NOTCH3: variants seen among roughly 807,000 people sequenced by gnomAD.
NOTCH3 encodes notch receptor 3.
Under a neutral mutation model 213.3 loss-of-function variants are expected in NOTCH3, and 86 were observed. That is an observed-to-expected ratio of 0.40 (90% confidence interval 0.34 to 0.48). The LOEUF (loss-of-function observed/expected upper bound fraction) is 0.48. NOTCH3 is among the 20% of genes least tolerant of loss of function. The pLI is 0.57. For missense variants in NOTCH3, 2,783 were observed against 3,272.6 expected (o/e 0.85, Z 3.65); for synonymous variants, 1,354 against 1,355.9 (o/e 1.00, Z 0.03).
chr19:15,190,289 T>C (rs2046917402), intron 6 of NOTCH3, among the ~76,000 whole-genome samples: 1 of 152,106 alleles, frequency 6.6e-6, no homozygotes. Context: ...TAAAATAAAA[T>C]AAATTGCAAA....
rs1196527226 is a variant in NOTCH3 at position 15,170,663 on chromosome 19, G to A, written c.4891+8C>T. 1 of 1,560,964 alleles carries A rather than the reference G, an allele frequency of 6.4e-7. No individual in the cohort carries two copies. Among genetic ancestry groups the A allele is most frequent in the Non-Finnish European group, 8.7e-7 (1 of 1,154,644 alleles). ...CCCCGCCACCCCCTCCCCAAGGCAG[G>A]GCCGCACCCCGCACGTCCCGCAGTG... On this transcript the variant is annotated splice_region_variant and intron_variant, in intron 26 of 32. Coordinates refer to ENST00000263388, the MANE Select transcript of NOTCH3 (RefSeq NM_000435.3).
At chr19:15,184,159 TCA>T in intron 16 of NOTCH3, 134 bp downstream of exon 16, 1 of 826,678 alleles carries the variant, frequency 1.2e-6, no homozygotes, top group East Asian at 3.4e-5. Flanking sequence ...TCCTCGGGCC[TCA>T]GTTTCCATAT....
intron 1 of NOTCH3, among the ~76,000 whole-genome samples, chr19:15,200,333 T>A (rs966184085): frequency 1.4e-5 from 2 of 142,796 alleles, no homozygotes; most frequent in African/African-American, 5.3e-5. Context: ...TCGCGCCCCC[T>A]CCCCACCCCC....
rs185511862 is a variant in NOTCH3, at chr19:15,188,187, C to T, written c.1492+48G>A. On this transcript the variant is annotated intron_variant, in intron 9 of 32. Transcript: ENST00000263388. ...ACAGGTTCCCACCCTGGAGTTTTTG[C>T]CCCTTCCCAGACATGTCTTTTCGGG... is the stretch of plus-strand genomic sequence containing the variant. The T allele has an allele frequency of 1.2e-5, 17 of 1,421,230 alleles. No homozygotes were observed. In the East Asian group the frequency reaches 3.9e-4, roughly 33 times the overall value. The allele number at this position is 1,421,230 out of a possible 1,614,324, so 88.0% of individuals were successfully genotyped here.
intron 2 of NOTCH3, among the ~76,000 whole-genome samples, chr19:15,196,344 A>G (rs1284527463): frequency 2.7e-5 from 4 of 148,150 alleles, no homozygotes; most frequent in African/African-American, 1.0e-4. Context: ...ACTTTTCCCC[A>G]TCCCGCCCCA....
rs754523402 is a variant in NOTCH3 at position 15,179,138 on chromosome 19, C to G, written c.3605G>C (p.Cys1202Ser). 1 of 1,614,194 alleles carries G rather than the reference C, an allele frequency of 6.2e-7. No homozygotes were observed. The highest frequency in any genetic ancestry group is 1.7e-5 in the Admixed American group (1 of 60,034). The change falls in exon 22 of 33, where the codon TGC becomes TCC. Residue 1202 changes from cysteine (C) to serine (S), a missense_variant. This residue lies in a region of NOTCH3 where 861 missense variants were observed against 909.1 expected (regional missense o/e 0.95). Coordinates refer to ENST00000263388, the MANE Select transcript of NOTCH3 (RefSeq NM_000435.3). ...GCGACACTCATTGATGTCTGCCTCGCAGCGCAAACCAGTGTATCCTGGGGG... is the reference window on the plus strand; with the variant it reads ...GCGACACTCATTGATGTCTGCCTCGGAGCGCAAACCAGTGTATCCTGGGGG... ...TCPPGYTGLR[C>S]EADINECRSG...
At chr19:15,199,449 T>G (rs1015281152) in intron 1 of NOTCH3, among the ~76,000 whole-genome samples, 1 of 152,166 alleles carries the variant, frequency 6.6e-6, no homozygotes, top group Non-Finnish European at 1.5e-5. Context: ...TCTGCATGTG[T>G]GAGCTGGGTG....
chr19:15,195,504 C>A (rs530245561), intron 2 of NOTCH3, among the ~76,000 whole-genome samples: 1 of 151,682 alleles, frequency 6.6e-6, no homozygotes, highest in African/African-American at 2.4e-5. Flanking sequence ...GTTGTCCTCC[C>A]TCCGGCTTGT....
In NOTCH3 at chr19:15,181,618, CCGTAGCCT is replaced by C; in HGVS notation, c.2742_2749del (p.Gly915ArgfsTer45). The C allele has an allele frequency of 6.4e-7, 1 of 1,550,890 alleles. No individual in the cohort carries two copies. The highest frequency in any genetic ancestry group is 8.7e-7 in the Non-Finnish European group (1 of 1,146,914). The stretch of plus-strand genomic sequence containing the variant: ...CAGGTCCTGTTCGCAGTGGAAGCCT[CCGTAGCCT>C]GGCGGGCAGGTGCAGGTGAAGGAGG... On this transcript the variant is annotated frameshift_variant, in exon 17 of 33. Coordinates refer to ENST00000263388, the MANE Select transcript of NOTCH3 (RefSeq NM_000435.3). LOFTEE classifies it high-confidence loss of function.
rs780963644 is a variant in NOTCH3, at chr19:15,161,340, C to A, written c.6288G>T (p.Ser2096=). The change falls in exon 33 of 33, where the codon TCG becomes TCT. Residue 2096 remains serine, a synonymous_variant. Coordinates refer to ENST00000263388, the MANE Select transcript of NOTCH3 (RefSeq NM_000435.3). ...GCGAGTCCACGGGCGACAGCGTGAC[C>A]GAGCTGTCAGCCAGGGGGCCCGGGC... ...LACPGPLADS[S]VTLSPVDSLD... is the part of the protein sequence containing the mutation. 4 of 1,526,656 alleles carry A rather than the reference C, an allele frequency of 2.6e-6. No homozygotes were observed. Among genetic ancestry groups the A allele is most frequent in the Non-Finnish European group, 3.5e-6 (4 of 1,139,216 alleles). 94.6% of individuals were successfully genotyped at this position (1,526,656 alleles called of 1,614,324 possible).
rs1366113655 is a variant in NOTCH3 at position 15,160,947 on chromosome 19, G to A, written c.6681C>T (p.His2227=). Residue 2227 remains histidine, a synonymous_variant, in exon 33 of 33, where the codon CAC becomes CAT. Coordinates refer to ENST00000263388, the MANE Select transcript of NOTCH3 (RefSeq NM_000435.3). ...GGAAGCGGGCCTTTGGGGGGCTGCT[G>A]TGTGCCCCAGCCGCCGGGTACTCCT... ...HGEEYPAAGA[H]SSPPKARFLR... 6.3e-7 allele frequency: 1 copy of A among 1,592,968 alleles called. No homozygotes were observed. The highest frequency in any genetic ancestry group is 8.5e-7 in the Non-Finnish European group (1 of 1,169,764).
intron 15 of NOTCH3, 138 bp downstream of exon 15, chr19:15,184,768 C>A: frequency 9.4e-6 from 6 of 639,178 alleles, no homozygotes; most frequent in Non-Finnish European, 1.7e-5. Context: ...CAGTGTCCAG[C>A]TCTGTCCTTC....
chr19:15,190,580 T>A (rs890143820), intron 6 of NOTCH3, among the ~76,000 whole-genome samples: 3 of 152,146 alleles, frequency 2.0e-5, no homozygotes, highest in Admixed American at 6.5e-5. Flanking sequence ...TCCAGCATCA[T>A]CTTTTTTTCT....
chr19:15,187,286 T>C lies in NOTCH3; in HGVS notation c.1659A>G (p.Pro553=), dbSNP rs773704097. 1.2e-6 allele frequency: 2 copies of C among 1,614,064 alleles called. No homozygotes were observed. Among genetic ancestry groups the C allele is most frequent in the South Asian group, 1.1e-5 (1 of 91,092 alleles). ...DRNVDDCSPD[P]CHHGRCVDGI... ...CATCCACGCAGCGACCATGGTGGCA[T>C]GGGTCAGGGGAGCAGTCGTCCACGT... Residue 553 remains proline, a synonymous_variant, in exon 11 of 33, where the codon CCA becomes CCG. Transcript: ENST00000263388.
At chr19:15,199,207 A>C (rs2046992165) in intron 1 of NOTCH3, among the ~76,000 whole-genome samples, 1 of 152,080 alleles carries the variant, frequency 6.6e-6, no homozygotes, top group Non-Finnish European at 1.5e-5. Context: ...ATTGTGTCTC[A>C]GTTGCAGCTA....
At chr19:15,194,560 A>G (rs2046954847) in intron 2 of NOTCH3, among the ~76,000 whole-genome samples, 1 of 152,182 alleles carries the variant, frequency 6.6e-6, no homozygotes, top group Non-Finnish European at 1.5e-5. Context: ...GATGGGGTCA[A>G]GGAGGTGGAA....
intron 10 of NOTCH3, 84 bp downstream of exon 10, chr19:15,187,797 A>C: frequency 8.7e-7 from 1 of 1,146,190 alleles, no homozygotes; most frequent in South Asian, 1.3e-5. Context: ...CCCGCCCCCA[A>C]GCTCTCCCCA....
intron 20 of NOTCH3, 88 bp downstream of exon 20, chr19:15,179,984 A>C (rs1599381316): frequency 1.1e-6 from 1 of 882,692 alleles, no homozygotes; most frequent in South Asian, 1.5e-5. Context: ...CTAGAGACAT[A>C]CCCATACCAA....
Position 15,185,814 on chromosome 19 carries a change from A to G in NOTCH3, c.1952-135T>C. ...TTTCATAACGCATCAGCTCTTGTGCAGATTAGGACACCCGCCTCCTCAACC... is the reference window on the plus strand; with the variant it reads ...TTTCATAACGCATCAGCTCTTGTGCGGATTAGGACACCCGCCTCCTCAACC... On this transcript the variant is annotated intron_variant, in intron 12 of 32. Coordinates refer to ENST00000263388, the MANE Select transcript of NOTCH3 (RefSeq NM_000435.3). The surrounding 1 kb of genome is among the most constrained non-coding windows in gnomAD (Gnocchi z 4.2). 3.6e-6 allele frequency: 3 copies of G among 837,764 alleles called. No individual in the cohort carries two copies. The South Asian group carries it at 4.3e-5, about 12-fold the overall frequency. 51.9% of individuals were successfully genotyped at this position (837,764 alleles called of 1,614,324 possible). A position where few individuals can be genotyped will look rare whatever the true frequency, so the allele number is the denominator to read the frequency against.
Sources: allele counts gnomAD v4.1 joint callset (sites outside exome capture counted in the v4.1 genomes callset), GRCh38; gene constraint gnomAD v4.1.1; regional missense constraint gnomAD v4.1.1; non-coding constraint Gnocchi (gnomAD v3.1); transcripts MANE v1.5; gene names NCBI Gene and HGNC (gene_info 2026-07-23, HGNC 2026-07-21).